NAPG: variants seen among roughly 807,000 people sequenced by gnomAD.
The protein encoded by NAPG is gamma-soluble NSF attachment protein.
NAPG carries 25 observed loss-of-function variants against 48.4 expected under a neutral mutation model. The ratio of observed to expected loss-of-function variants is 0.52; its 90% CI spans 0.38 to 0.72. NAPG has a LOEUF of 0.72. Ranked by LOEUF, NAPG falls within the 30% of genes least tolerant of loss-of-function variation. The pLI is 0.00. For missense variants in NAPG, 359 were observed against 372.5 expected, an observed-to-expected ratio of 0.96 and a Z score of 0.30; for synonymous variants, 139 against 127.2, an observed-to-expected ratio of 1.09 and a Z score of -0.62.
chr18:10,527,135 C>T (rs1245727649), intron 1 of NAPG, among the ~76,000 whole-genome samples: 1 of 149,384 alleles, frequency 6.7e-6, no homozygotes, highest in Admixed American at 6.7e-5. Flanking sequence ...TTGCAGTGAG[C>T]CGAGATCGCG....
rs1324080179 is a variant in NAPG, at chr18:10,526,094, A to G, written c.-9A>G. The G allele has an allele frequency of 1.9e-6, 3 of 1,612,854 alleles. No homozygotes were observed. Among genetic ancestry groups the G allele is most frequent in the Non-Finnish European group, 2.5e-6 (3 of 1,178,944 alleles). The stretch of plus-strand genomic sequence containing the variant: ...ACCCTCTCTCCACGTCAGAGACCTG[A>G]CTGTGGAGATGGCGGCTCAGAAGAT... On this transcript the variant is annotated 5_prime_UTR_variant, in exon 1 of 12. Coordinates refer to ENST00000322897, the MANE Select transcript of NAPG (RefSeq NM_003826.3).
chr18:10,527,481 A>C (rs928990915), intron 1 of NAPG, among the ~76,000 whole-genome samples: 2 of 152,166 alleles, frequency 1.3e-5, no homozygotes. Context: ...AGGTTCCCAC[A>C]ACATTCTGCT....
intron 1 of NAPG, 124 bp downstream of exon 1, chr18:10,526,282 C>A: frequency 1.4e-6 from 1 of 720,370 alleles, no homozygotes; most frequent in Non-Finnish European, 2.3e-6. Flanking sequence ...CGCGCTGGTG[C>A]CCGCAGGGCT....
chr18:10,536,244 A>G (rs899689437), intron 5 of NAPG, among the ~76,000 whole-genome samples: 4 of 152,214 alleles, frequency 2.6e-5, no homozygotes, highest in Admixed American at 6.5e-5. Context: ...GATGAAGGAA[A>G]ATGCTTTCTG....
At chr18:10,532,899 T>G (rs2031958331) in intron 3 of NAPG, 104 bp downstream of exon 3, 1 of 992,996 alleles carries the variant, frequency 1.0e-6, no homozygotes, top group African/African-American at 1.7e-5. Context: ...GTAAAATGTT[T>G]TTAAATTAGA....
chr18:10,551,028 C>G lies in NAPG; in HGVS notation c.*808C>G, dbSNP rs976136153. ...TGTTTTTTTTTTTAAGGGTCTCACT[C>G]TTTTGCCCAGGCTGGAGTGCAGTGG... On this transcript the variant is annotated 3_prime_UTR_variant, in exon 12 of 12. Transcript: ENST00000322897. 5.3e-5 allele frequency: 8 copies of G among 151,044 alleles called. No individual in the cohort carries two copies. Among genetic ancestry groups the G allele is most frequent in the Non-Finnish European group, 7.4e-5 (5 of 67,880 alleles). 9.4% of individuals were successfully genotyped at this position (151,044 alleles called of 1,614,324 possible). A position where few individuals can be genotyped will look rare whatever the true frequency, so the allele number is the denominator to read the frequency against.
chr18:10,549,935 T>G (rs568635984), intron 11 of NAPG, 142 bp from the exon 12 acceptor site: 10 of 716,366 alleles, frequency 1.4e-5, no homozygotes, highest in Middle Eastern at 4.2e-4. Flanking sequence ...GGGAGCAGCA[T>G]TGTTGGGCTT....
rs1381011395 is a variant in NAPG, at chr18:10,550,256, TAA to T, written c.*39_*40del. On this transcript the variant is annotated 3_prime_UTR_variant, in exon 12 of 12. Coordinates refer to ENST00000322897, the MANE Select transcript of NAPG (RefSeq NM_003826.3). ...GCTGAAAAGAAAAGGGAAACAAAGG[TAA>T]AATCCTGACATGCCATTTCAAGGAC... The T allele has an allele frequency of 6.4e-7, 1 of 1,557,414 alleles. No homozygotes were observed. Among genetic ancestry groups the T allele is most frequent in the Non-Finnish European group, 8.6e-7 (1 of 1,156,452 alleles).
chr18:10,535,783 A>G (rs541357290), intron 5 of NAPG, among the ~76,000 whole-genome samples: 8 of 152,288 alleles, frequency 5.3e-5, no homozygotes, highest in African/African-American at 1.9e-4. Context: ...ATAATAGGAA[A>G]GTGTTTAAAT....
At chr18:10,537,399 A>G (rs999272716) in intron 5 of NAPG, among the ~76,000 whole-genome samples, 7 of 152,208 alleles carry the variant, frequency 4.6e-5, no homozygotes, top group African/African-American at 1.7e-4. Context: ...GAGAAAATAT[A>G]TTTAGTGTTC....
At chr18:10,540,524 C>A in intron 8 of NAPG, 125 bp downstream of exon 8, 1 of 640,814 alleles carries the variant, frequency 1.6e-6, no homozygotes, top group South Asian at 2.1e-5. Flanking sequence ...CCAGGCCACA[C>A]AATAGAATAT....
chr18:10,533,118 C>T (rs544411443), intron 3 of NAPG: 7 of 279,440 alleles, frequency 2.5e-5, no homozygotes, highest in African/African-American at 1.3e-4. Flanking sequence ...ATTGAAAACA[C>T]GTGAACTACT....
rs371394768 is a variant in NAPG at position 10,549,001 on chromosome 18, G to T, written c.700G>T (p.Ala234Ser). 2 of 1,613,776 alleles carry T rather than the reference G, an allele frequency of 1.2e-6. No homozygotes were observed. Among genetic ancestry groups the T allele is most frequent in the East Asian group, 2.2e-5 (1 of 44,896 alleles). ...GTTCAATGGCAGTGAAGACTGTGCT[G>T]CCCTGGAACAGCTTCTTGAAGGTTA... Reference protein sequence around the residue: ...PGFNGSEDCAALEQLLEGYDQ... With the variant: ...PGFNGSEDCASLEQLLEGYDQ... Residue 234 changes from alanine to serine, a missense_variant, in exon 11 of 12, where the codon GCC (alanine) becomes TCC (serine). Coordinates refer to ENST00000322897, the MANE Select transcript of NAPG (RefSeq NM_003826.3).
intron 9 of NAPG, among the ~76,000 whole-genome samples, chr18:10,547,277 G>C (rs1843792839): frequency 6.6e-6 from 1 of 152,194 alleles, no homozygotes; most frequent in African/African-American, 2.4e-5. Flanking sequence ...GAACCTAACT[G>C]GGGTGATTAC....
At chr18:10,530,674 TTTTTTTTTTTAAAGACCTAGAAGGTCA>T in intron 1 of NAPG, 69 bp from the exon 2 acceptor site, 2 of 741,246 alleles carry the variant, frequency 2.7e-6, no homozygotes, top group Non-Finnish European at 3.9e-6. Flanking sequence ...CTCCTTTTTT[TTTTTTTTTTTAAAGACCTAGAAGGTCA>T]TTACAAGCAG....
At chr18:10,526,246 G>GGGGGGGGGGGGGGGA in intron 1 of NAPG, 88 bp downstream of exon 1, 1 of 490,186 alleles carries the variant, frequency 2.0e-6, no homozygotes, top group Non-Finnish European at 4.2e-6. Context: ...GGGCGGGAGG[G>GGGGGGGGGGGGGGGA]AGGGCTCAGG....
chr18:10,536,457 C>G (rs541323077), intron 5 of NAPG, among the ~76,000 whole-genome samples: 2 of 152,224 alleles, frequency 1.3e-5, no homozygotes, highest in East Asian at 3.9e-4. Flanking sequence ...TTGGATCAAC[C>G]TTTGGTTCTG....
chr18:10,548,485 A>G lies in NAPG; in HGVS notation c.665+107A>G. ...TCCTGGCCATGAAACTGTCATTTCTAAATCTTAGGAGTGCTCATCTACCAT... is the reference window on the plus strand; with the variant it reads ...TCCTGGCCATGAAACTGTCATTTCTGAATCTTAGGAGTGCTCATCTACCAT... On this transcript the variant is annotated intron_variant, in intron 10 of 11. Transcript: ENST00000322897. This position sits in a 1 kb window ranked among gnomAD's most constrained non-coding sequence, Gnocchi z 4.4. The G allele has an allele frequency of 1.1e-6, 1 of 910,604 alleles. No homozygotes were observed. The highest frequency in any genetic ancestry group is 1.7e-6 in the Non-Finnish European group (1 of 572,876). 56.4% of individuals were successfully genotyped at this position (910,604 alleles called of 1,614,324 possible).
At chr18:10,537,517 C>T (rs937336025) in intron 5 of NAPG, among the ~76,000 whole-genome samples, 2 of 152,074 alleles carry the variant, frequency 1.3e-5, no homozygotes, top group Admixed American at 6.6e-5. Context: ...GTTGGTTTTG[C>T]TGTCTCAGGT....
Sources: allele counts gnomAD v4.1 joint callset (sites outside exome capture counted in the v4.1 genomes callset), GRCh38; gene constraint gnomAD v4.1.1; non-coding constraint Gnocchi (gnomAD v3.1); transcripts MANE v1.5; gene names NCBI Gene and HGNC (gene_info 2026-07-23, HGNC 2026-07-21).